The following ITCH variants were observed in gnomAD, a reference collection of about 807,000 sequenced individuals.
ITCH encodes E3 ubiquitin-protein ligase Itchy homolog.
A neutral mutation model predicts 126.8 loss-of-function variants in ITCH; 28 were observed. The observed-to-expected ratio is 0.22, with a 90% CI of 0.16 to 0.30. The LOEUF (loss-of-function observed/expected upper bound fraction) is 0.30. Ranked by LOEUF, ITCH falls within the 10% of genes least tolerant of loss-of-function variation. The probability of loss-of-function intolerance (pLI) is 1.00; values close to 1 mark genes in which losing one functional copy is unlikely to be tolerated. For synonymous variants in ITCH, 342 were observed against 340.0 expected, an observed-to-expected ratio of 1.01 and a Z score of -0.06; for missense variants, 631 against 1,032.4, an observed-to-expected ratio of 0.61 and a Z score of 5.33.
intron 3 of ITCH, among the ~76,000 whole-genome samples, chr20:34,406,048 G>A (rs1164871981): frequency 6.7e-6 from 1 of 149,408 alleles, no homozygotes; most frequent in African/African-American, 2.5e-5. Context: ...TTAAAAGACA[G>A]TTTTGCTCTG....
At position 34,510,782 on chromosome 20, in the gene ITCH, A is replaced by G. The variant is rs1978713697; in HGVS notation, c.*2988A>G. 2.0e-5 allele frequency: 3 copies of G among 152,284 alleles called. No individual in the cohort carries two copies. Among genetic ancestry groups the G allele is most frequent in the African/African-American group, 7.2e-5 (3 of 41,554 alleles). The allele number at this position is 152,284 out of a possible 1,614,324, so 9.4% of individuals were successfully genotyped here. ...GAGGTGGGAGGATCCCAGGAGTTCA[A>G]ATCCTGCCTGGGCAACATAGCAAGA... On this transcript the variant is annotated 3_prime_UTR_variant, in exon 25 of 25. Coordinates refer to ENST00000374864, the MANE Select transcript of ITCH (RefSeq NM_031483.7).
chr20:34,430,875 T>C (rs906178042), intron 7 of ITCH, among the ~76,000 whole-genome samples: 1 of 152,162 alleles, frequency 6.6e-6, no homozygotes, highest in Non-Finnish European at 1.5e-5. Flanking sequence ...TGAGTGAAGG[T>C]TGAAAGTCCT....
chr20:34,376,463 A>C (rs1195112758), intron 2 of ITCH, among the ~76,000 whole-genome samples: 3 of 151,716 alleles, frequency 2.0e-5, no homozygotes, highest in Non-Finnish European at 2.9e-5. Flanking sequence ...TAAATACATA[A>C]ATAAATAAAT....
rs370394645 is a variant in ITCH, at chr20:34,440,221, C to T, written c.746C>T (p.Pro249Leu). ...GGGTCTAGTACAGGCTCTCTGCCGCCGACAAATACAAATACAAATACATCT... is the reference window on the plus strand; with the variant it reads ...GGGTCTAGTACAGGCTCTCTGCCGCTGACAAATACAAATACAAATACATCT... The part of the protein sequence containing the change: ...SDGSSTGSLP[P>L]TNTNTNTSEG... Residue 249 changes from proline (P) to leucine (L), a missense_variant, in exon 9 of 25, where the codon CCG (proline) becomes CTG (leucine). Pro to Leu is a moderately conservative substitution (Grantham distance 98). Around this residue, in one of 4 missense-constraint regions of ITCH, gnomAD observed 220 missense variants for 265.7 expected, o/e 0.83. Coordinates refer to ENST00000374864, the MANE Select transcript of ITCH (RefSeq NM_031483.7). 6.0e-5 allele frequency: 97 copies of T among 1,613,524 alleles called. 1 individual carries two copies. The African/African-American group carries it at 9.3e-4, about 16-fold the overall frequency.
chr20:34,439,199 A>G (rs935790589), intron 8 of ITCH, among the ~76,000 whole-genome samples: 3 of 152,248 alleles, frequency 2.0e-5, no homozygotes, highest in African/African-American at 4.8e-5. Flanking sequence ...AGTTAAACCA[A>G]ATATTACTAG....
chr20:34,495,078 C>T (rs2146528716), intron 23 of ITCH, among the ~76,000 whole-genome samples: 1 of 146,778 alleles, frequency 6.8e-6, no homozygotes, highest in East Asian at 2.0e-4. Context: ...GTGGTAAATC[C>T]CCTTCTCTAC....
chr20:34,462,296 C>A (rs1224989074), intron 14 of ITCH, 75 bp downstream of exon 14: 2 of 1,455,548 alleles, frequency 1.4e-6, no homozygotes, highest in African/African-American at 2.9e-5. Context: ...TTTGTATTAG[C>A]AAGGAGTGGA....
rs551701483 is a variant in ITCH at position 34,507,719 on chromosome 20, A to G, written c.2514A>G (p.Pro838=). 3.2e-5 allele frequency: 51 copies of G among 1,613,928 alleles called. No individual in the cohort carries two copies. The highest frequency in any genetic ancestry group is 4.4e-5 in the South Asian group (4 of 91,080). Reference sequence around the variant, plus strand: ...GTTTTAATCGCCTGGACCTGCCACCATACAAGAGCTATGAGCAACTGAAGG... The same window carrying G: ...GTTTTAATCGCCTGGACCTGCCACCGTACAAGAGCTATGAGCAACTGAAGG... ...HTCFNRLDLP[P]YKSYEQLKEK... is the part of the protein sequence containing the mutation. Residue 838 remains proline, a synonymous_variant, in exon 25 of 25, where the codon CCA becomes CCG. Coordinates refer to ENST00000374864, the MANE Select transcript of ITCH (RefSeq NM_031483.7).
chr20:34,432,048 C>CAAAA (rs10668679), intron 7 of ITCH, among the ~76,000 whole-genome samples: 25 of 92,154 alleles, frequency 2.7e-4, no homozygotes, highest in Admixed American at 3.9e-4. Flanking sequence ...GATTCTATGT[C>CAAAA]AAAAAAAAAA....
intron 14 of ITCH, among the ~76,000 whole-genome samples, chr20:34,464,156 T>A (rs1392576531): frequency 6.6e-6 from 1 of 151,158 alleles, no homozygotes; most frequent in South Asian, 2.1e-4. Flanking sequence ...TTTTTTTTTT[T>A]TTGTATTTTG....
At chr20:34,489,796 A>G (rs377004361) in intron 21 of ITCH, 26 bp from the exon 22 acceptor site, 6 of 1,495,200 alleles carry the variant, frequency 4.0e-6, no homozygotes, top group African/African-American at 1.4e-5. Context: ...ACCTTAGGAA[A>G]CAATTTGTCT....
chr20:34,478,695 G>A (rs1173566370), intron 17 of ITCH, among the ~76,000 whole-genome samples: 4 of 152,016 alleles, frequency 2.6e-5, no homozygotes, highest in African/African-American at 9.7e-5. Context: ...GTCTTTGTGT[G>A]CACGCTAATT....
Position 34,431,768 on chromosome 20 carries a change from G to A in ITCH, c.522-6706G>A, listed in dbSNP as rs572425589. Among the ~76,000 whole-genome samples the A allele has an allele frequency of 4.6e-5, 7 of 152,008 alleles. No homozygotes were observed. In the East Asian group the frequency reaches 1.2e-3, roughly 25 times the overall value. On this transcript the variant is annotated intron_variant, in intron 7 of 24. Coordinates refer to ENST00000374864, the MANE Select transcript of ITCH (RefSeq NM_031483.7). ...AAAGATGGGACATTTGGCCGGTGGC[G>A]GTGGCTCACTCCTGTAATCCCAGCA...
chr20:34,492,847 A>G (rs1989612557), intron 23 of ITCH, among the ~76,000 whole-genome samples: 1 of 152,240 alleles, frequency 6.6e-6, no homozygotes, highest in African/African-American at 2.4e-5. Flanking sequence ...AAATCTGTTC[A>G]TTTAGTCATT....
chr20:34,498,952 A>G (rs963162644), intron 23 of ITCH, among the ~76,000 whole-genome samples: 7 of 149,046 alleles, frequency 4.7e-5, no homozygotes, highest in Non-Finnish European at 1.0e-4. Flanking sequence ...TGGTTCCTAG[A>G]CTTTTGTTTT....
intron 18 of ITCH, 151 bp downstream of exon 18, chr20:34,479,940 C>T: frequency 1.4e-6 from 1 of 733,090 alleles, no homozygotes; most frequent in Non-Finnish European, 2.3e-6. Flanking sequence ...GCTCTGTCAC[C>T]CAGGCTGGAG....
At chr20:34,481,443 A>G (rs1432191657) in intron 20 of ITCH, among the ~76,000 whole-genome samples, 1 of 152,232 alleles carries the variant, frequency 6.6e-6, no homozygotes, top group African/African-American at 2.4e-5. Flanking sequence ...TGTAATCACT[A>G]TGCTGTATAA....
intron 2 of ITCH, among the ~76,000 whole-genome samples, chr20:34,387,036 C>T (rs577619222): frequency 6.6e-6 from 1 of 152,248 alleles, no homozygotes; most frequent in South Asian, 2.1e-4. Flanking sequence ...GGTGTGATGG[C>T]TCATGCCTGT....
chr20:34,457,888 G>A (rs559625733), intron 13 of ITCH, among the ~76,000 whole-genome samples: 1 of 152,214 alleles, frequency 6.6e-6, no homozygotes, highest in African/African-American at 2.4e-5. Flanking sequence ...AGTCGAGACT[G>A]CAGTGAACTA....
Sources: gnomAD v4.1 joint callset for allele counts (sites outside exome capture counted in the v4.1 genomes callset) on GRCh38, gnomAD v4.1.1 for gene constraint, gnomAD v4.1.1 regional missense constraint, MANE v1.5 for transcripts, NCBI Gene and HGNC (gene_info 2026-07-23, HGNC 2026-07-21) for gene names.